FAM83G: variants seen among roughly 807,000 people sequenced by gnomAD.
FAM83G encodes the protein scaffolding CK1 anchoring protein G.
In FAM83G, 38 loss-of-function variants were observed where a neutral mutation model predicts 61.5. The observed-to-expected ratio is 0.62, with a 90% CI of 0.48 to 0.81. The LOEUF (loss-of-function observed/expected upper bound fraction) is 0.81. FAM83G is among the 30% of genes least tolerant of loss of function. The pLI, the probability that FAM83G is intolerant of heterozygous loss-of-function variation, is 0.00. For missense variants in FAM83G, 989 were observed against 1,133.6 expected (o/e 0.87, Z 1.83); for synonymous variants, 470 against 476.1 (o/e 0.99, Z 0.17).
At chr17:18,992,807 C>A (rs1413267881) in intron 2 of FAM83G, among the ~76,000 whole-genome samples, 1 of 152,196 alleles carries the variant, frequency 6.6e-6, no homozygotes, top group Admixed American at 6.5e-5. Flanking sequence ...TGGTGCCGGG[C>A]AGGGCCTGTC....
chr17:19,004,172 G>T lies in FAM83G; in HGVS notation c.-128-3C>A. 2.2e-6 allele frequency: 2 copies of T among 898,332 alleles called. No individual in the cohort carries two copies. Among genetic ancestry groups the T allele is most frequent in the Admixed American group, 3.2e-5 (1 of 31,460 alleles). The allele number at this position is 898,332 out of a possible 1,614,324, so 55.6% of individuals were successfully genotyped here. A position where few individuals can be genotyped will look rare whatever the true frequency, so the allele number is the denominator to read the frequency against. On this transcript the variant is annotated splice_region_variant and splice_polypyrimidine_tract_variant and intron_variant, in intron 1 of 5. Transcript: ENST00000388995. The surrounding 1 kb of genome is among the most constrained non-coding windows in gnomAD (Gnocchi z 5.4). ...CTGCTTCTCTGCCCATGAGCAATCT[G>T]CGGGAAAGACCTGATGAGCCCGGCT...
intron 5 of FAM83G, chr17:18,977,048 T>C: frequency 6.3e-7 from 1 of 1,596,160 alleles, no homozygotes; most frequent in Non-Finnish European, 8.5e-7. Context: ...TCTGGGACCT[T>C]GTCCTGCAAA....
At chr17:19,002,776 A>C (rs1433176363) in intron 2 of FAM83G, among the ~76,000 whole-genome samples, 2 of 152,200 alleles carry the variant, frequency 1.3e-5, no homozygotes, top group Non-Finnish European at 2.9e-5. Flanking sequence ...GTGTCAGCCA[A>C]GAATGGCCCC....
Position 18,970,424 on chromosome 17 carries a change from G to A in FAM83G, c.*935C>T, listed in dbSNP as rs947525463. 1.3e-5 allele frequency: 2 copies of A among 157,768 alleles called. No individual in the cohort carries two copies. Among genetic ancestry groups the A allele is most frequent in the Non-Finnish European group, 2.8e-5 (2 of 71,174 alleles). The allele number at this position is 157,768 out of a possible 1,614,324, so 9.8% of individuals were successfully genotyped here. A position where few individuals can be genotyped will look rare whatever the true frequency, so the allele number is the denominator to read the frequency against. Reference sequence around the variant, plus strand: ...CCGAGGTAGACAGGAACAGTGAGGTGTTTTGGACTGGAGAGGAAAAAGCCC... The same window carrying A: ...CCGAGGTAGACAGGAACAGTGAGGTATTTTGGACTGGAGAGGAAAAAGCCC... On this transcript the variant is annotated 3_prime_UTR_variant, in exon 6 of 6. Coordinates refer to ENST00000388995, the MANE Select transcript of FAM83G (RefSeq NM_001039999.3).
At chr17:18,984,471 G>C (rs893344142) in intron 3 of FAM83G, among the ~76,000 whole-genome samples, 1 of 152,196 alleles carries the variant, frequency 6.6e-6, no homozygotes, top group African/African-American at 2.4e-5. Flanking sequence ...GGGCTGGGTC[G>C]TGCCTGTCCA....
intron 3 of FAM83G, among the ~76,000 whole-genome samples, chr17:18,987,607 A>G (rs1043866142): frequency 1.8e-4 from 27 of 152,212 alleles, no homozygotes; most frequent in Non-Finnish European, 3.8e-4. Flanking sequence ...AACAGTGCTG[A>G]GAACCACAGC....
At chr17:18,989,726 G>A (rs1180928338) in intron 2 of FAM83G, among the ~76,000 whole-genome samples, 1 of 152,234 alleles carries the variant, frequency 6.6e-6, no homozygotes, top group African/African-American at 2.4e-5. Flanking sequence ...CCCATTTACA[G>A]GGGGTCTTGT....
At chr17:18,980,498 T>C (rs2043103599) in intron 3 of FAM83G, among the ~76,000 whole-genome samples, 1 of 152,102 alleles carries the variant, frequency 6.6e-6, no homozygotes, top group Non-Finnish European at 1.5e-5. Context: ...TCACCGGCCT[T>C]TTCCTGGACC....
In FAM83G at chr17:18,977,977, A is replaced by T; in HGVS notation, c.1689T>A (p.Asp563Glu). The change falls in exon 5 of 6, where the codon GAT becomes GAA. Residue 563 changes from aspartate to glutamate, a missense_variant. By Grantham distance (45) the Asp-to-Glu change is conservative. Around this residue, in one of 3 missense-constraint regions of FAM83G, gnomAD observed 574 missense variants for 645.1 expected, o/e 0.89. Transcript: ENST00000388995. ...GCCCCACCCCGAGGCTCTCGGGGTC[A>T]TCCTGGGTCACAGATAGCTGCCGCT... Reference protein sequence around the residue: ...PLQRQLSVTQDDPESLGVGLP... With the variant: ...PLQRQLSVTQEDPESLGVGLP... 6.3e-7 allele frequency: 1 copy of T among 1,582,512 alleles called. No homozygotes were observed. Among genetic ancestry groups the T allele is most frequent in the South Asian group, 1.1e-5 (1 of 87,266 alleles).
At chr17:18,995,521 C>G (rs1007235520) in intron 2 of FAM83G, among the ~76,000 whole-genome samples, 1 of 152,032 alleles carries the variant, frequency 6.6e-6, no homozygotes, top group Non-Finnish European at 1.5e-5. Flanking sequence ...TAATTGCAGT[C>G]TCAGAAGGTG....
chr17:18,988,103 G>T, intron 3 of FAM83G, 144 bp downstream of exon 3: 5 of 1,271,854 alleles, frequency 3.9e-6, no homozygotes, highest in Non-Finnish European at 5.3e-6. Flanking sequence ...CTATGTGACT[G>T]CTTGGCAGGA....
rs2043039928 is a variant in FAM83G at position 18,978,379 on chromosome 17, G to C, written c.1287C>G (p.Ile429Met). The stretch of plus-strand genomic sequence containing the variant: ...TCCAGATGTTGGGGTCGATGATATT[G>C]ATGTAGCCCAGGATGTCGCTGCCAG... ...PEPGSDILGY[I>M]NIIDPNIWNP... The change falls in exon 5 of 6, where the codon ATC becomes ATG. Residue 429 changes from isoleucine to methionine, a missense_variant. Ile to Met is a conservative substitution (Grantham distance 10). This residue lies in a region of FAM83G where 574 missense variants were observed against 645.1 expected (regional missense o/e 0.89). Coordinates refer to ENST00000388995, the MANE Select transcript of FAM83G (RefSeq NM_001039999.3). The C allele has an allele frequency of 1.9e-6, 3 of 1,593,150 alleles. No individual in the cohort carries two copies. Among genetic ancestry groups the C allele is most frequent in the Non-Finnish European group, 2.6e-6 (3 of 1,169,968 alleles).
intron 2 of FAM83G, 44 bp from the exon 3 acceptor site, chr17:18,988,458 A>G (rs1216630981): frequency 6.2e-7 from 1 of 1,601,004 alleles, no homozygotes; most frequent in South Asian, 1.1e-5. Flanking sequence ...ACAGTGCAGC[A>G]GTGGGGACAG....
intron 3 of FAM83G, among the ~76,000 whole-genome samples, chr17:18,983,979 G>C (rs943857645): frequency 2.0e-5 from 3 of 152,168 alleles, no homozygotes; most frequent in Non-Finnish European, 4.4e-5. Context: ...CTCAATGCTG[G>C]TAGTACCCCC....
intron 3 of FAM83G, among the ~76,000 whole-genome samples, chr17:18,980,768 T>C (rs994152425): frequency 2.6e-5 from 4 of 152,136 alleles, no homozygotes; most frequent in Admixed American, 2.0e-4. Flanking sequence ...GGGGCTCATC[T>C]GGCCCCTGTC....
Position 18,978,743 on chromosome 17 carries a change from T to A in FAM83G, c.923A>T (p.His308Leu). 6.2e-7 allele frequency: 1 copy of A among 1,612,866 alleles called. No homozygotes were observed. Among genetic ancestry groups the A allele is most frequent in the Non-Finnish European group, 8.5e-7 (1 of 1,179,988 alleles). ...RQFQELYLMS[H>L]SVSLKGIPME... is the part of the protein sequence containing the mutation. Reference sequence around the variant, plus strand: ...AGGGATGCCCTTGAGGCTCACACTGTGTGACATGAGGTACAGCTCCTGGAA... The same window carrying A: ...AGGGATGCCCTTGAGGCTCACACTGAGTGACATGAGGTACAGCTCCTGGAA... The change falls in exon 5 of 6, where the codon CAC (histidine) becomes CTC (leucine). Residue 308 changes from histidine (H) to leucine (L), a missense_variant. His to Leu is a moderately conservative substitution (Grantham distance 99). Around this residue, in one of 3 missense-constraint regions of FAM83G, gnomAD observed 44 missense variants for 83.9 expected, o/e 0.52. Coordinates refer to ENST00000388995, the MANE Select transcript of FAM83G (RefSeq NM_001039999.3).
chr17:18,973,015 G>A (rs574573102), intron 5 of FAM83G, among the ~76,000 whole-genome samples: 9 of 152,184 alleles, frequency 5.9e-5, no homozygotes, highest in Non-Finnish European at 1.2e-4. Flanking sequence ...GCCCACATCC[G>A]CCATGCCTCA....
At chr17:18,974,488 G>T (rs2042932406) in intron 5 of FAM83G, among the ~76,000 whole-genome samples, 1 of 152,242 alleles carries the variant, frequency 6.6e-6, no homozygotes, top group African/African-American at 2.4e-5. Context: ...ACAGGGCAGT[G>T]CACAGACCAG....
Position 18,979,519 on chromosome 17 carries a change from G to A in FAM83G, c.815+30C>T, listed in dbSNP as rs772462759. On this transcript the variant is annotated intron_variant, in intron 4 of 5. Coordinates refer to ENST00000388995, the MANE Select transcript of FAM83G (RefSeq NM_001039999.3). ...CAGTTGGGAGCCAGAGGTACCTCTC[G>A]CACAACTTCCCTGAAAGCTGGAGAG... 3.7e-6 allele frequency: 6 copies of A among 1,610,456 alleles called. No individual in the cohort carries two copies. In the African/African-American group the frequency reaches 4.0e-5, roughly 11 times the overall value.
Sources: allele counts gnomAD v4.1 joint callset (sites outside exome capture counted in the v4.1 genomes callset), GRCh38; gene constraint gnomAD v4.1.1; regional missense constraint gnomAD v4.1.1; non-coding constraint Gnocchi (gnomAD v3.1); transcripts MANE v1.5; gene names NCBI Gene and HGNC (gene_info 2026-07-23, HGNC 2026-07-21).